Variants in SLFN12L observed in about 807,000 individuals in gnomAD.
SLFN12L encodes schlafen family member 12 like, also known as schlafen family member 12-like.
SLFN12L carries 34 observed loss-of-function variants against 34.8 expected under a neutral mutation model. The ratio of observed to expected loss-of-function variants is 0.98; its 90% CI spans 0.74 to 1.30. The LOEUF is 1.30. SLFN12L is among the 50% of genes most tolerant of loss of function. The pLI is 0.00. For synonymous variants in SLFN12L, 259 were observed against 247.5 expected (o/e 1.05, Z -0.44); for missense variants, 703 against 696.2 (o/e 1.01, Z -0.11).
At chr17:35,513,192 G>A (rs1347279094) in intron 2 of SLFN12L, among the ~76,000 whole-genome samples, 2 of 152,124 alleles carry the variant, frequency 1.3e-5, no homozygotes, top group African/African-American at 4.8e-5. Flanking sequence ...CTGTTTAAGG[G>A]ATAAGGATGG....
rs1915027550 is a variant in SLFN12L at position 35,495,650 on chromosome 17, T to TCGG, written c.87-15458_87-15456dup. Among the ~76,000 whole-genome samples, 3 of 151,870 alleles carry TCGG rather than the reference T, an allele frequency of 2.0e-5. No homozygotes were observed. The South Asian group carries it at 6.2e-4, about 32-fold the overall frequency. ...GGGTGGGTTGCGGCGCTCAGAAGCTTCGGCCCGCGCCCACCTCCCTACCCC... is the reference window on the plus strand; with the variant it reads ...GGGTGGGTTGCGGCGCTCAGAAGCTTCGGCGGCCCGCGCCCACCTCCCTACCCC... On this transcript the variant is annotated intron_variant, in intron 2 of 4. Coordinates refer to ENST00000628453, the MANE Select transcript of SLFN12L (RefSeq NM_001363830.2).
intron 2 of SLFN12L, among the ~76,000 whole-genome samples, chr17:35,488,241 AG>A (rs1318690004): frequency 2.0e-5 from 3 of 152,174 alleles, no homozygotes; most frequent in Non-Finnish European, 4.4e-5. Flanking sequence ...AAACCCCTAA[AG>A]GGGTGACATT....
chr17:35,482,998 A>T (rs1914410457), intron 2 of SLFN12L, among the ~76,000 whole-genome samples: 1 of 152,062 alleles, frequency 6.6e-6, no homozygotes, highest in South Asian at 2.1e-4. Context: ...TCAGAGAGGA[A>T]CTACCCTCTC....
At chr17:35,507,778 T>G (rs922272265) in intron 2 of SLFN12L, among the ~76,000 whole-genome samples, 1 of 152,196 alleles carries the variant, frequency 6.6e-6, no homozygotes, top group Non-Finnish European at 1.5e-5. Context: ...ATCACTACCT[T>G]AGTTTACCAA....
chr17:35,491,870 C>G (rs934239034), intron 2 of SLFN12L, among the ~76,000 whole-genome samples: 1 of 152,192 alleles, frequency 6.6e-6, no homozygotes, highest in Non-Finnish European at 1.5e-5. Flanking sequence ...GATGAAGAAC[C>G]TGTTTTCAAA....
chr17:35,505,641 G>T (rs1042128428), intron 2 of SLFN12L, among the ~76,000 whole-genome samples: 2 of 152,210 alleles, frequency 1.3e-5, no homozygotes, highest in African/African-American at 4.8e-5. Context: ...TAACTGTGTA[G>T]AGGTATTGGA....
In SLFN12L at chr17:35,466,854, A is replaced by G. The variant is rs931246632; in HGVS notation, c.*8069T>C. ...TCTCAGCCTCATGCTATATGCCATTAAAACCACAAATGACTAGCTCCATAC... is the reference window on the plus strand; with the variant it reads ...TCTCAGCCTCATGCTATATGCCATTGAAACCACAAATGACTAGCTCCATAC... On this transcript the variant is annotated 3_prime_UTR_variant, in exon 5 of 5. Transcript: ENST00000628453. Among the ~76,000 whole-genome samples the G allele has an allele frequency of 6.6e-6, 1 of 152,228 alleles. No individual in the cohort carries two copies. Among genetic ancestry groups the G allele is most frequent in the African/African-American group, 2.4e-5 (1 of 41,456 alleles).
chr17:35,504,296 TGC>T (rs1299866229), intron 2 of SLFN12L, among the ~76,000 whole-genome samples: 2 of 152,196 alleles, frequency 1.3e-5, no homozygotes, highest in Non-Finnish European at 2.9e-5. Flanking sequence ...AGAGTTTTTA[TGC>T]TGTAGTTGGT....
At chr17:35,528,672 T>A (rs1187496112) in intron 1 of SLFN12L, among the ~76,000 whole-genome samples, 4 of 152,118 alleles carry the variant, frequency 2.6e-5, no homozygotes, top group Admixed American at 6.5e-5. Context: ...CCCTTCCTTA[T>A]GCCTTATACA....
intron 2 of SLFN12L, among the ~76,000 whole-genome samples, chr17:35,494,517 C>G (rs1034298382): frequency 2.6e-5 from 4 of 152,228 alleles, no homozygotes; most frequent in Non-Finnish European, 5.9e-5. Context: ...TACTTTCACT[C>G]CCATTGCAGC....
rs1006449819 is a variant in SLFN12L, at chr17:35,474,895, C to T, written c.*28G>A. 1 of 1,512,348 alleles carries T rather than the reference C, an allele frequency of 6.6e-7. No individual in the cohort carries two copies. The highest frequency in any genetic ancestry group is 1.4e-5 in the African/African-American group (1 of 71,896). 93.7% of individuals were successfully genotyped at this position (1,512,348 alleles called of 1,614,324 possible). On this transcript the variant is annotated 3_prime_UTR_variant, in exon 5 of 5. Transcript: ENST00000628453. The stretch of plus-strand genomic sequence containing the variant: ...GCAGTGAGTCGAGATCGTGTCACTA[C>T]ACTCCAGTCTGGGTGACAGAGTGAG...
rs8079653 is a variant in SLFN12L at position 35,473,253 on chromosome 17, G to C, written c.*1670C>G. On this transcript the variant is annotated 3_prime_UTR_variant, in exon 5 of 5. Transcript: ENST00000628453. ...CAATTTTCAAAGGGAATGCTTCCAG[G>C]TTTTGCCCATTCAGTATGATATTGG... 0.2 allele frequency among the ~76,000 whole-genome samples: 29,861 copies of C among 152,006 alleles called. 3,331 individuals are homozygous for C. Among genetic ancestry groups the C allele is most frequent in the Middle Eastern group, 0.31 (90 of 294 alleles).
intron 2 of SLFN12L, among the ~76,000 whole-genome samples, chr17:35,507,523 A>T (rs568817651): frequency 1.3e-5 from 2 of 152,288 alleles, no homozygotes; most frequent in East Asian, 1.9e-4. Context: ...ATTTAACCTT[A>T]CTAATTGCTG....
At chr17:35,494,527 C>T (rs895637580) in intron 2 of SLFN12L, among the ~76,000 whole-genome samples, 2 of 152,242 alleles carry the variant, frequency 1.3e-5, no homozygotes, top group Non-Finnish European at 2.9e-5. Context: ...CCCATTGCAG[C>T]TTGTGCTGGA....
In SLFN12L at chr17:35,521,962, G is replaced by T. The variant is rs993420596; in HGVS notation, c.86+317C>A. ...GAAAGGGAACATCACACACACCGGG[G>T]CCTGTTGTGGGGTGAGGGGAGAGGG... is the stretch of plus-strand genomic sequence containing the variant. On this transcript the variant is annotated intron_variant, in intron 2 of 4. Coordinates refer to ENST00000628453, the MANE Select transcript of SLFN12L (RefSeq NM_001363830.2). Among the ~76,000 whole-genome samples the T allele has an allele frequency of 3.3e-5, 5 of 152,228 alleles. 1 individual carries two copies. Among genetic ancestry groups the T allele is most frequent in the South Asian group, 2.1e-4 (1 of 4,808 alleles).
At chr17:35,490,276 C>T in intron 2 of SLFN12L, 1 of 1,506,520 alleles carries the variant, frequency 6.6e-7, no homozygotes, top group Non-Finnish European at 9.2e-7. Flanking sequence ...GTTCAAAAAC[C>T]CCCAAGGGCA....
At position 35,522,570 on chromosome 17, in the gene SLFN12L, G is replaced by T; in HGVS notation, c.-206C>A. ...CTGCAGCAGGGCTTCCAATGTGCTG[G>T]GTGCCTGCAAAACTATAGGACGCAG... On this transcript the variant is annotated 5_prime_UTR_variant, in exon 2 of 5. Transcript: ENST00000628453. 1 of 1,608,740 alleles carries T rather than the reference G, an allele frequency of 6.2e-7. No individual in the cohort carries two copies. The highest frequency in any genetic ancestry group is 8.5e-7 in the Non-Finnish European group (1 of 1,177,510).
chr17:35,489,106 T>A (rs1223547013), intron 2 of SLFN12L, among the ~76,000 whole-genome samples: 1 of 151,980 alleles, frequency 6.6e-6, no homozygotes, highest in East Asian at 1.9e-4. Flanking sequence ...AGCCGTGCTT[T>A]TCTTCATTTC....
rs1555538397 is a variant in SLFN12L, at chr17:35,475,923, A to ATAT, written c.1277-439_1277-438insATA. On this transcript the variant is annotated intron_variant, in intron 4 of 4. Coordinates refer to ENST00000628453, the MANE Select transcript of SLFN12L (RefSeq NM_001363830.2). ...TCAAAAAAATTCTACATATATATAT[A>ATAT]TTTTTTTAAATTTATATATATGTAT... Among the ~76,000 whole-genome samples, 192 of 142,942 alleles carry ATAT rather than the reference A, an allele frequency of 1.3e-3. 1 individual carries two copies. The highest frequency in any genetic ancestry group is 7.1e-3 in the Middle Eastern group (2 of 280). 93.8% of individuals were successfully genotyped at this position (142,942 alleles called of 152,430 possible).
Sources: gnomAD v4.1 joint callset for allele counts (sites outside exome capture counted in the v4.1 genomes callset) on GRCh38, gnomAD v4.1.1 for gene constraint, MANE v1.5 for transcripts, NCBI Gene and HGNC (gene_info 2026-07-23, HGNC 2026-07-21) for gene names.